Variants in CACNB2 observed in about 807,000 individuals in gnomAD.
CACNB2 encodes the protein voltage-dependent L-type calcium channel subunit beta-2.
Under a neutral mutation model 73.3 loss-of-function variants are expected in CACNB2, and 42 were observed. The ratio of observed to expected loss-of-function variants is 0.57; its 90% CI spans 0.45 to 0.74. CACNB2 has a LOEUF of 0.74. CACNB2 is among the 30% of genes least tolerant of loss of function. The pLI, the probability that CACNB2 is intolerant of heterozygous loss-of-function variation, is 0.00. For synonymous variants in CACNB2, 348 were observed against 310.3 expected (o/e 1.12, Z -1.28); for missense variants, 940 against 853.0 (o/e 1.10, Z -1.27).
intron 3 of CACNB2, among the ~76,000 whole-genome samples, chr10:18,432,754 T>C (rs1314248038): frequency 6.6e-6 from 1 of 152,086 alleles, no homozygotes; most frequent in African/African-American, 2.4e-5. Context: ...GAGGATGGCT[T>C]GAGCCAGGAG....
At chr10:18,426,955 A>ATTTTTTTTTTTTTTTTT (rs551543429) in intron 3 of CACNB2, among the ~76,000 whole-genome samples, 1 of 81,676 alleles carries the variant, frequency 1.2e-5, no homozygotes, top group Admixed American at 1.4e-4. Context: ...CCTTTTCTAC[A>ATTTTTTTTTTTTTTTTT]TTTTTTTTTT....
chr10:18,477,019 CAAA>C (rs35846838), intron 3 of CACNB2, among the ~76,000 whole-genome samples: 1 of 122,502 alleles, frequency 8.2e-6, no homozygotes. Context: ...GATTGAATCT[CAAA>C]AAAAAAAAAA....
chr10:18,193,939 T>C (rs147081750), intron 2 of CACNB2, among the ~76,000 whole-genome samples: 2 of 152,154 alleles, frequency 1.3e-5, no homozygotes, highest in Non-Finnish European at 2.9e-5. Context: ...TATGGTATGT[T>C]AGGAGGTGAT....
chr10:18,437,259 A>AT (rs1424675173), intron 3 of CACNB2, among the ~76,000 whole-genome samples: 3 of 152,134 alleles, frequency 2.0e-5, no homozygotes, highest in Non-Finnish European at 4.4e-5. Context: ...TTTTCAGAGG[A>AT]TTTTTTAAAA....
At chr10:18,284,670 C>G (rs1210703279) in intron 2 of CACNB2, among the ~76,000 whole-genome samples, 1 of 152,174 alleles carries the variant, frequency 6.6e-6, no homozygotes, top group Admixed American at 6.5e-5. Context: ...GTTTATTCCT[C>G]CAACCCACTT....
chr10:18,387,837 G>A (rs948390503), intron 2 of CACNB2, among the ~76,000 whole-genome samples: 1 of 151,770 alleles, frequency 6.6e-6, no homozygotes, highest in Non-Finnish European at 1.5e-5. Flanking sequence ...GCTTACTGCA[G>A]CCTTCACCTC....
chr10:18,372,087 T>C (rs572792586), intron 2 of CACNB2, among the ~76,000 whole-genome samples: 30 of 152,366 alleles, frequency 2.0e-4, no homozygotes, highest in African/African-American at 6.5e-4. Flanking sequence ...GAGTTCTTTG[T>C]AGATTCTGGA....
chr10:18,194,218 C>T (rs59641647), intron 2 of CACNB2, among the ~76,000 whole-genome samples: 3 of 152,078 alleles, frequency 2.0e-5, no homozygotes, highest in African/African-American at 4.8e-5. Flanking sequence ...TCATCTGTCT[C>T]CTTCACTTTG....
chr10:18,323,248 T>G (rs2040460862), intron 2 of CACNB2, among the ~76,000 whole-genome samples: 1 of 152,098 alleles, frequency 6.6e-6, no homozygotes, highest in Non-Finnish European at 1.5e-5. Context: ...CGTGAGCCAC[T>G]GCTCCTGGCC....
chr10:18,405,130 T>C (rs1426873456), intron 3 of CACNB2, among the ~76,000 whole-genome samples: 1 of 152,194 alleles, frequency 6.6e-6, no homozygotes, highest in Non-Finnish European at 1.5e-5. Context: ...TGAGATATAA[T>C]TCACCCATTT....
chr10:18,317,807 G>T (rs184076369), intron 2 of CACNB2, among the ~76,000 whole-genome samples: 1 of 152,258 alleles, frequency 6.6e-6, no homozygotes, highest in Non-Finnish European at 1.5e-5. Context: ...TTTATTGAGT[G>T]CTCCTCTGTT....
intron 3 of CACNB2, among the ~76,000 whole-genome samples, chr10:18,460,178 G>T (rs2047493239): frequency 6.6e-6 from 1 of 152,204 alleles, no homozygotes; most frequent in South Asian, 2.1e-4. Context: ...AGGCCTGGGA[G>T]AGATTAGGAG....
intron 2 of CACNB2, among the ~76,000 whole-genome samples, chr10:18,170,208 G>A (rs531475572): frequency 6.6e-6 from 1 of 152,324 alleles, no homozygotes; most frequent in South Asian, 2.1e-4. Context: ...GAATGAGGAG[G>A]GGTGTTCCTT....
rs548683042 is a variant in CACNB2 at position 18,501,535 on chromosome 10, T to C, written c.593+587T>C. ...GCTGAATAATCCCTCCTAGGATTTG[T>C]GAGGTTGTCTGTCCCTCTCTGAAAG... On this transcript the variant is annotated intron_variant, in intron 5 of 13. Transcript: ENST00000324631. 1.6e-3 allele frequency among the ~76,000 whole-genome samples: 247 copies of C among 152,370 alleles called. 1 individual carries two copies. Among genetic ancestry groups the C allele is most frequent in the African/African-American group, 5.8e-3 (241 of 41,592 alleles).
chr10:18,442,125 G>A (rs943088709), intron 3 of CACNB2, among the ~76,000 whole-genome samples: 1 of 152,116 alleles, frequency 6.6e-6, no homozygotes, highest in African/African-American at 2.4e-5. Flanking sequence ...GTTCCTTGTA[G>A]TGGACACACC....
intron 2 of CACNB2, among the ~76,000 whole-genome samples, chr10:18,236,548 A>C (rs750539966): frequency 3.9e-5 from 6 of 152,200 alleles, no homozygotes; most frequent in Non-Finnish European, 8.8e-5. Context: ...CTTCTGCAGA[A>C]ACTTAAATGC....
chr10:18,484,348 C>G (rs2048947732), intron 3 of CACNB2, among the ~76,000 whole-genome samples: 1 of 151,390 alleles, frequency 6.6e-6, no homozygotes, highest in Admixed American at 6.6e-5. Flanking sequence ...GACCTGAGAT[C>G]ACGCCACTGT....
intron 2 of CACNB2, among the ~76,000 whole-genome samples, chr10:18,338,561 A>G (rs776811858): frequency 5.3e-5 from 8 of 152,064 alleles, no homozygotes; most frequent in South Asian, 4.1e-4. Flanking sequence ...CACTTTCACT[A>G]CTGAATAGTA....
chr10:18,505,598 C>T (rs760628989), intron 5 of CACNB2, among the ~76,000 whole-genome samples: 1 of 152,138 alleles, frequency 6.6e-6, no homozygotes, highest in Admixed American at 6.5e-5. Context: ...TTCAACTAGA[C>T]CCTGGCTCGG....
Sources: gnomAD v4.1 joint callset for allele counts (sites outside exome capture counted in the v4.1 genomes callset) on GRCh38, gnomAD v4.1.1 for gene constraint, MANE v1.5 for transcripts, NCBI Gene and HGNC (gene_info 2026-07-23, HGNC 2026-07-21) for gene names.